Variants in EMC2 observed in about 807,000 individuals in gnomAD.
EMC2 encodes the protein ER membrane protein complex subunit 2.
Under a neutral mutation model 51.6 loss-of-function variants are expected in EMC2, and 37 were observed. The observed-to-expected ratio is 0.72, with a 90% CI of 0.55 to 0.94. EMC2 has a LOEUF of 0.94. Ranked by LOEUF, EMC2 falls within the 40% of genes least tolerant of loss-of-function variation. EMC2 has a pLI of 0.00. For missense variants in EMC2, 359 were observed against 350.9 expected (o/e 1.02, Z -0.18); for synonymous variants, 131 against 112.4 (o/e 1.17, Z -1.04).
chr8:108,462,291 A>C (rs562794629), intron 5 of EMC2, among the ~76,000 whole-genome samples: 42 of 151,970 alleles, frequency 2.8e-4, no homozygotes, highest in Non-Finnish European at 4.9e-4. Context: ...GTAACAATAT[A>C]GTTTAAAGAT....
rs12334570 is a variant in EMC2 at position 108,461,163 on chromosome 8, T to C, written c.363+5233T>C. Among the ~76,000 whole-genome samples, 1,367 of 152,322 alleles carry C rather than the reference T, an allele frequency of 9.0e-3. 26 individuals are homozygous for C. Among genetic ancestry groups the C allele is most frequent in the African/African-American group, 0.031 (1,288 of 41,580 alleles). ...GCGGGAAAGTCTAGTTTTATTCTCATTTACTGTTGCTCCCTGCATTGTTGA... is the reference window on the plus strand; with the variant it reads ...GCGGGAAAGTCTAGTTTTATTCTCACTTACTGTTGCTCCCTGCATTGTTGA... On this transcript the variant is annotated intron_variant, in intron 5 of 10. Coordinates refer to ENST00000220853, the MANE Select transcript of EMC2 (RefSeq NM_014673.5).
chr8:108,484,478 T>C (rs1811100597), intron 10 of EMC2, among the ~76,000 whole-genome samples: 1 of 152,050 alleles, frequency 6.6e-6, no homozygotes, highest in Admixed American at 6.6e-5. Flanking sequence ...TCTTTAAAAT[T>C]AGCTAATTTT....
At chr8:108,452,573 A>T (rs1819053910) in intron 3 of EMC2, among the ~76,000 whole-genome samples, 1 of 152,170 alleles carries the variant, frequency 6.6e-6, no homozygotes, top group Non-Finnish European at 1.5e-5. Context: ...TCTCAAAAAA[A>T]AATAAGAAAG....
chr8:108,459,235 A>T (rs1586181023), intron 5 of EMC2, among the ~76,000 whole-genome samples: 1 of 151,930 alleles, frequency 6.6e-6, no homozygotes, highest in African/African-American at 2.4e-5. Flanking sequence ...TCTTCTTCTG[A>T]CCCCTCCAAA....
chr8:108,487,217 A>G lies in EMC2; in HGVS notation c.*619A>G, dbSNP rs1449238749. 1.3e-5 allele frequency among the ~76,000 whole-genome samples: 2 copies of G among 152,100 alleles called. No individual in the cohort carries two copies. The highest frequency in any genetic ancestry group is 4.8e-5 in the African/African-American group (2 of 41,452). On this transcript the variant is annotated 3_prime_UTR_variant, in exon 11 of 11. Transcript: ENST00000220853. Reference sequence around the variant, plus strand: ...TTTGTTTTGATATAGGACATAATTGAGATTTTTACATATAAAATGCCTTAA... The same window carrying G: ...TTTGTTTTGATATAGGACATAATTGGGATTTTTACATATAAAATGCCTTAA...
chr8:108,444,347 T>G (rs1818826444), intron 1 of EMC2, among the ~76,000 whole-genome samples: 1 of 152,238 alleles, frequency 6.6e-6, no homozygotes, highest in Admixed American at 6.5e-5. Context: ...AACTCTGGGC[T>G]ACGTAAGTGC....
chr8:108,459,191 T>G (rs1819244429), intron 5 of EMC2, among the ~76,000 whole-genome samples: 1 of 152,210 alleles, frequency 6.6e-6, no homozygotes, highest in African/African-American at 2.4e-5. Flanking sequence ...TCAACAAGTC[T>G]GTAGGGAGTT....
chr8:108,449,945 T>C lies in EMC2; in HGVS notation c.154+9T>C, dbSNP rs185220954. 5.3e-5 allele frequency: 69 copies of C among 1,300,700 alleles called. No homozygotes were observed. Among genetic ancestry groups the C allele is most frequent in the African/African-American group, 5.0e-4 (34 of 67,796 alleles). The allele number at this position is 1,300,700 out of a possible 1,614,324, so 80.6% of individuals were successfully genotyped here. A position where few individuals can be genotyped will look rare whatever the true frequency, so the allele number is the denominator to read the frequency against. On this transcript the variant is annotated intron_variant, in intron 2 of 10. Transcript: ENST00000220853. ...TAAGCTGGGAGATGATAGTAAGTTC[T>C]TTTATTACATTCAGGCTCAGTACAT...
chr8:108,488,420 G>A lies in EMC2; in HGVS notation c.*1822G>A, dbSNP rs551458616. ...AGTGATCTACCCGCCTCAGCCTCCC[G>A]AAATGCTGGGATTACAGGCATGAGC... is the stretch of plus-strand genomic sequence containing the variant. On this transcript the variant is annotated 3_prime_UTR_variant, in exon 11 of 11. Coordinates refer to ENST00000220853, the MANE Select transcript of EMC2 (RefSeq NM_014673.5). 5.9e-4 allele frequency among the ~76,000 whole-genome samples: 89 copies of A among 152,068 alleles called. No homozygotes were observed. The Middle Eastern group carries it at 0.01, about 17-fold the overall frequency.
At chr8:108,476,181 A>G (rs938029584) in intron 8 of EMC2, among the ~76,000 whole-genome samples, 1 of 151,854 alleles carries the variant, frequency 6.6e-6, no homozygotes, top group Non-Finnish European at 1.5e-5. Context: ...TTGTATTTTT[A>G]TATTTGTATA....
intron 3 of EMC2, among the ~76,000 whole-genome samples, chr8:108,452,622 A>T (rs1261733541): frequency 6.6e-6 from 1 of 152,196 alleles, no homozygotes. Flanking sequence ...GGGCAAAATT[A>T]ATCAGTGTTT....
chr8:108,471,890 T>C (rs932265237), intron 7 of EMC2, among the ~76,000 whole-genome samples: 10 of 152,108 alleles, frequency 6.6e-5, no homozygotes, highest in African/African-American at 2.4e-4. Flanking sequence ...ATCAATTTAC[T>C]TGCACACCAG....
At chr8:108,463,018 A>T (rs1199082920) in intron 5 of EMC2, among the ~76,000 whole-genome samples, 1 of 152,166 alleles carries the variant, frequency 6.6e-6, no homozygotes, top group African/African-American at 2.4e-5. Context: ...CTGCCTAGTT[A>T]ACTTTCTCCT....
rs1818937099 is a variant in EMC2 at position 108,448,627 on chromosome 8, C to A, written c.41-1196C>A. On this transcript the variant is annotated intron_variant, in intron 1 of 10. Transcript: ENST00000220853. Reference sequence around the variant, plus strand: ...GTCTTCTGCCATCATTGTGAGGCCTCCCCAGCCACGTGGAACTGCAAGTCC... The same window carrying A: ...GTCTTCTGCCATCATTGTGAGGCCTACCCAGCCACGTGGAACTGCAAGTCC... Among the ~76,000 whole-genome samples the A allele has an allele frequency of 2.6e-5, 4 of 152,082 alleles. No individual in the cohort carries two copies. In the South Asian group the frequency reaches 6.2e-4, roughly 24 times the overall value.
chr8:108,447,625 C>T (rs1352883387), intron 1 of EMC2, among the ~76,000 whole-genome samples: 2 of 152,172 alleles, frequency 1.3e-5, no homozygotes, highest in East Asian at 3.9e-4. Flanking sequence ...TTTCAGAGGC[C>T]ACCTCACTGC....
chr8:108,465,466 T>C (rs1354605663), intron 5 of EMC2, among the ~76,000 whole-genome samples: 2 of 152,234 alleles, frequency 1.3e-5, no homozygotes, highest in Non-Finnish European at 2.9e-5. Flanking sequence ...ATGTGAATTC[T>C]CTGAAGCCAG....
chr8:108,478,942 T>C, intron 9 of EMC2, 64 bp from the exon 10 acceptor site: 1 of 785,100 alleles, frequency 1.3e-6, no homozygotes, highest in African/African-American at 1.8e-5. Flanking sequence ...ATGTCCCTTA[T>C]GTTTTTGATT....
chr8:108,453,151 A>G lies in EMC2; in HGVS notation c.305+4A>G. The G allele has an allele frequency of 3.8e-6, 6 of 1,570,756 alleles. No individual in the cohort carries two copies. Among genetic ancestry groups the G allele is most frequent in the Non-Finnish European group, 5.2e-6 (6 of 1,151,332 alleles). On this transcript the variant is annotated splice_donor_region_variant and intron_variant, in intron 4 of 10. Coordinates refer to ENST00000220853, the MANE Select transcript of EMC2 (RefSeq NM_014673.5). ...TGAGATTTGAAGCCATGGAAAGGTA[A>G]CCAAATCTTATCAGCTGGCAGGCAT...
chr8:108,469,744 T>C, intron 5 of EMC2, 82 bp from the exon 6 acceptor site: 1 of 1,149,674 alleles, frequency 8.7e-7, no homozygotes, highest in South Asian at 1.3e-5. Context: ...ATTGAGATAA[T>C]AATTTGCACA....
Sources: allele counts gnomAD v4.1 joint callset (sites outside exome capture counted in the v4.1 genomes callset), GRCh38; gene constraint gnomAD v4.1.1; transcripts MANE v1.5; gene names NCBI Gene and HGNC (gene_info 2026-07-23, HGNC 2026-07-21).